MOB3B: variants seen among roughly 807,000 people sequenced by gnomAD.
MOB3B encodes the protein MOB kinase activator 3B, also known as MOB kinase activator-like 2B.
MOB3B carries 7 observed loss-of-function variants against 18.7 expected under a neutral mutation model. The ratio of observed to expected loss-of-function variants is 0.37; its 90% CI spans 0.21 to 0.70. MOB3B has a LOEUF of 0.70. Among genes scored for constraint, MOB3B ranks in the 30% least tolerant of loss-of-function variants. The probability of loss-of-function intolerance (pLI) is 0.52; values close to 1 mark genes in which losing one functional copy is unlikely to be tolerated. For missense variants in MOB3B, 253 were observed against 281.3 expected, an observed-to-expected ratio of 0.90 and a Z score of 0.72; for synonymous variants, 111 against 99.9, an observed-to-expected ratio of 1.11 and a Z score of -0.66.
intron 3 of MOB3B, among the ~76,000 whole-genome samples, chr9:27,337,626 G>C (rs1224897512): frequency 3.3e-5 from 5 of 152,214 alleles, no homozygotes; most frequent in Non-Finnish European, 5.9e-5. Context: ...GGAGTGATGA[G>C]GATGAGACCA....
In MOB3B at chr9:27,449,362, C is replaced by G. The variant is rs537861161; in HGVS notation, c.418+5771G>C. The stretch of plus-strand genomic sequence containing the variant: ...GAAATGTATACTGAGAGAGAGATAA[C>G]TAACATGTATTTTTCAGCAACTCTT... On this transcript the variant is annotated intron_variant, in intron 2 of 3. Coordinates refer to ENST00000262244, the MANE Select transcript of MOB3B (RefSeq NM_024761.5). Among the ~76,000 whole-genome samples the G allele has an allele frequency of 2.0e-4, 30 of 152,298 alleles. No homozygotes were observed. In the Middle Eastern group the frequency reaches 0.01, roughly 52 times the overall value.
intron 1 of MOB3B, among the ~76,000 whole-genome samples, chr9:27,484,401 AC>A (rs1308486950): frequency 6.6e-6 from 1 of 152,194 alleles, no homozygotes; most frequent in Non-Finnish European, 1.5e-5. Context: ...TAAAAACAAA[AC>A]AAAAAACTCA....
chr9:27,364,496 A>C (rs1172723559), intron 2 of MOB3B, among the ~76,000 whole-genome samples: 1 of 152,216 alleles, frequency 6.6e-6, no homozygotes, highest in Non-Finnish European at 1.5e-5. Context: ...GTAGCAAAAA[A>C]TCCTATTTAA....
chr9:27,462,332 C>T (rs565403739), intron 1 of MOB3B, among the ~76,000 whole-genome samples: 2 of 147,148 alleles, frequency 1.4e-5, no homozygotes, highest in African/African-American at 2.5e-5. Context: ...AAGAAAGACA[C>T]GTGAATTGAA....
At chr9:27,353,849 G>C (rs370712879) in intron 3 of MOB3B, among the ~76,000 whole-genome samples, 1 of 152,218 alleles carries the variant, frequency 6.6e-6, no homozygotes, top group Admixed American at 6.5e-5. Context: ...AATTGTGTCA[G>C]CTGACTCCCT....
chr9:27,466,998 G>A (rs972865245), intron 1 of MOB3B, among the ~76,000 whole-genome samples: 1 of 152,086 alleles, frequency 6.6e-6, no homozygotes, highest in African/African-American at 2.4e-5. Context: ...CAACCATCTA[G>A]CTAGATGATT....
In MOB3B at chr9:27,471,499, T is replaced by C. The variant is rs112632848; in HGVS notation, c.-198-15751A>G. ...AGACTGGTCGTTAAGTAAATGGATC[T>C]GAGATCAGACTGCCCGATTTTGACT... On this transcript the variant is annotated intron_variant, in intron 1 of 3. Coordinates refer to ENST00000262244, the MANE Select transcript of MOB3B (RefSeq NM_024761.5). 7.9e-5 allele frequency among the ~76,000 whole-genome samples: 12 copies of C among 152,194 alleles called. 1 individual carries two copies. Among genetic ancestry groups the C allele is most frequent in the Admixed American group, 4.6e-4 (7 of 15,284 alleles).
intron 3 of MOB3B, among the ~76,000 whole-genome samples, chr9:27,355,156 T>C (rs1260609108): frequency 6.6e-6 from 1 of 152,158 alleles, no homozygotes; most frequent in Non-Finnish European, 1.5e-5. Context: ...GGGTGCTGCA[T>C]GGATCCTCAG....
chr9:27,447,623 G>A (rs546508246), intron 2 of MOB3B, among the ~76,000 whole-genome samples: 11 of 152,276 alleles, frequency 7.2e-5, no homozygotes, highest in African/African-American at 2.6e-4. Flanking sequence ...GGCCCTCTAA[G>A]GGCCTCCTGC....
rs748349617 is a variant in MOB3B at position 27,359,145 on chromosome 9, G to C, written c.510C>G (p.Phe170Leu). Reference protein sequence around the residue: ...RVFVHVYIHHFDRVIVMGAEA... With the variant: ...RVFVHVYIHHLDRVIVMGAEA... ...CTGCACCCATCACAATGACCCGGTCGAAGTGGTGGATATAGACGTGGACAA... is the reference window on the plus strand; with the variant it reads ...CTGCACCCATCACAATGACCCGGTCCAAGTGGTGGATATAGACGTGGACAA... The change falls in exon 3 of 4, where the codon TTC becomes TTG. Residue 170 changes from phenylalanine (F) to leucine (L), a missense_variant. Coordinates refer to ENST00000262244, the MANE Select transcript of MOB3B (RefSeq NM_024761.5). 1 of 1,614,028 alleles carries C rather than the reference G, an allele frequency of 6.2e-7. No homozygotes were observed. The highest frequency in any genetic ancestry group is 1.3e-5 in the African/African-American group (1 of 74,902).
intron 1 of MOB3B, among the ~76,000 whole-genome samples, chr9:27,501,237 G>A (rs1819987642): frequency 6.6e-6 from 1 of 152,120 alleles, no homozygotes; most frequent in Non-Finnish European, 1.5e-5. Context: ...TTTACCCAGC[G>A]ATCCCATTAC....
chr9:27,445,094 C>A (rs1822669773), intron 2 of MOB3B, among the ~76,000 whole-genome samples: 1 of 152,090 alleles, frequency 6.6e-6, no homozygotes, highest in Non-Finnish European at 1.5e-5. Flanking sequence ...GTACTGAAGG[C>A]AAAATTCTCC....
intron 3 of MOB3B, among the ~76,000 whole-genome samples, chr9:27,332,732 G>C (rs1820806597): frequency 2.0e-5 from 3 of 152,192 alleles, no homozygotes; most frequent in Non-Finnish European, 2.9e-5. Context: ...TATACTTTGT[G>C]AAGTAAGATT....
At chr9:27,349,450 A>G (rs1392538255) in intron 3 of MOB3B, among the ~76,000 whole-genome samples, 1 of 152,214 alleles carries the variant, frequency 6.6e-6, no homozygotes, top group East Asian at 1.9e-4. Flanking sequence ...TTGGAGCCAA[A>G]GAATCTAATC....
intron 2 of MOB3B, among the ~76,000 whole-genome samples, chr9:27,419,337 T>C (rs1051170730): frequency 2.6e-5 from 4 of 151,946 alleles, no homozygotes; most frequent in Non-Finnish European, 4.4e-5. Context: ...AAATAAGAGC[T>C]CACATAGCCA....
chr9:27,455,300 T>A lies in MOB3B; in HGVS notation c.251A>T (p.Glu84Val), dbSNP rs1822853189. 1.9e-6 allele frequency: 3 copies of A among 1,614,090 alleles called. No individual in the cohort carries two copies. The highest frequency in any genetic ancestry group is 1.7e-6 in the Non-Finnish European group (2 of 1,180,018). Residue 84 changes from glutamate (E) to valine (V), a missense_variant, in exon 2 of 4, where the codon GAG becomes GTG. Physicochemically the swap from Glu to Val is moderately radical, Grantham distance 121. Coordinates refer to ENST00000262244, the MANE Select transcript of MOB3B (RefSeq NM_024761.5). The stretch of plus-strand genomic sequence containing the variant: ...CCCTGACATCACAGGACAGGTCCGC[T>A]CGGTGCAGAACTCACAGATGGTGCC... ...IYGTICEFCTERTCPVMSGGP... is the reference protein window; with the variant it reads ...IYGTICEFCTVRTCPVMSGGP...
intron 2 of MOB3B, among the ~76,000 whole-genome samples, chr9:27,446,075 A>T (rs1201917911): frequency 6.6e-6 from 1 of 152,154 alleles, no homozygotes; most frequent in Non-Finnish European, 1.5e-5. Flanking sequence ...TTAATCACAA[A>T]AGGCCTGAAC....
chr9:27,493,628 G>A (rs1239174315), intron 1 of MOB3B, among the ~76,000 whole-genome samples: 1 of 151,470 alleles, frequency 6.6e-6, no homozygotes, highest in Non-Finnish European at 1.5e-5. Context: ...GCGACTGAGC[G>A]AGACTCCATC....
chr9:27,368,237 A>G (rs1042668112), intron 2 of MOB3B, among the ~76,000 whole-genome samples: 2 of 152,028 alleles, frequency 1.3e-5, no homozygotes, highest in Non-Finnish European at 2.9e-5. Flanking sequence ...TTTCTTAATA[A>G]TATATATCCT....
Sources: allele counts gnomAD v4.1 joint callset (sites outside exome capture counted in the v4.1 genomes callset), GRCh38; gene constraint gnomAD v4.1.1; transcripts MANE v1.5; gene names NCBI Gene and HGNC (gene_info 2026-07-23, HGNC 2026-07-21).